Variants in PLCE1 observed in about 807,000 individuals in gnomAD.
PLCE1 encodes the protein phospholipase C epsilon 1.
PLCE1 carries 119 observed loss-of-function variants against 242.8 expected under a neutral mutation model. That is an observed-to-expected ratio of 0.49 (90% CI 0.42 to 0.57). PLCE1 has a LOEUF of 0.57. Ranked by LOEUF, PLCE1 falls within the 20% of genes least tolerant of loss-of-function variation. The pLI, the probability that PLCE1 is intolerant of heterozygous loss-of-function variation, is 0.00. For synonymous variants in PLCE1, 945 were observed against 1,017.4 expected, an observed-to-expected ratio of 0.93 and a Z score of 1.35; for missense variants, 2,441 against 2,788.8, an observed-to-expected ratio of 0.88 and a Z score of 2.81.
At chr10:94,166,159 A>G (rs892576836) in intron 3 of PLCE1, among the ~76,000 whole-genome samples, 1 of 152,190 alleles carries the variant, frequency 6.6e-6, no homozygotes, top group Admixed American at 6.5e-5. Flanking sequence ...TTTTACCTCA[A>G]TAGGATAATA....
chr10:94,202,567 T>A (rs1169567567), intron 4 of PLCE1, among the ~76,000 whole-genome samples: 2 of 152,188 alleles, frequency 1.3e-5, no homozygotes. Flanking sequence ...TTTCTTCTCC[T>A]TGAGCTCTGC....
chr10:94,049,790 C>T (rs2043712455), intron 2 of PLCE1, among the ~76,000 whole-genome samples: 1 of 152,092 alleles, frequency 6.6e-6, no homozygotes, highest in South Asian at 2.1e-4. Flanking sequence ...TCTCTCCCTC[C>T]CACAAAACAA....
intron 4 of PLCE1, among the ~76,000 whole-genome samples, chr10:94,218,887 A>C (rs1446152639): frequency 2.0e-5 from 2 of 97,780 alleles, no homozygotes; most frequent in Non-Finnish European, 4.1e-5. Flanking sequence ...TAAAATAATA[A>C]TTTTATATAT....
At chr10:94,082,394 A>G (rs2044677831) in intron 2 of PLCE1, among the ~76,000 whole-genome samples, 1 of 152,212 alleles carries the variant, frequency 6.6e-6, no homozygotes, top group Non-Finnish European at 1.5e-5. Context: ...CGAGATGAAA[A>G]TAGAATGGTT....
intron 2 of PLCE1, among the ~76,000 whole-genome samples, chr10:94,122,961 A>G (rs2046339970): frequency 6.6e-6 from 1 of 152,130 alleles, no homozygotes; most frequent in South Asian, 2.1e-4. Flanking sequence ...GTCTTCAATT[A>G]TTTCTCCACT....
chr10:94,142,080 T>C (rs1223010031), intron 3 of PLCE1, among the ~76,000 whole-genome samples: 2 of 152,140 alleles, frequency 1.3e-5, no homozygotes, highest in African/African-American at 2.4e-5. Context: ...GTGAGCCTCA[T>C]TGTGTTTTGG....
In PLCE1 at chr10:94,298,292, G is replaced by T. The variant is rs2052912298; in HGVS notation, c.5168-87G>T. 1 of 1,229,728 alleles carries T rather than the reference G, an allele frequency of 8.1e-7. No individual in the cohort carries two copies. Among genetic ancestry groups the T allele is most frequent in the Non-Finnish European group, 1.2e-6 (1 of 836,704 alleles). The allele number at this position is 1,229,728 out of a possible 1,614,324, so 76.2% of individuals were successfully genotyped here. ...CTGATGTGGTTTATATGCTATGACT[G>T]TTTACTGGGATGTTGTTCAGGTTTA... On this transcript the variant is annotated intron_variant, in intron 23 of 32. Coordinates refer to ENST00000371380, the MANE Select transcript of PLCE1 (RefSeq NM_016341.4). The surrounding 1 kb of genome is among the most constrained non-coding windows in gnomAD (Gnocchi z 5.2).
chr10:94,147,312 C>T (rs1414032624), intron 3 of PLCE1, among the ~76,000 whole-genome samples: 1 of 152,060 alleles, frequency 6.6e-6, no homozygotes, highest in Non-Finnish European at 1.5e-5. Context: ...ATCCCAGCTA[C>T]TCGGGAGGCT....
At chr10:94,195,358 G>T (rs2048787597) in intron 4 of PLCE1, among the ~76,000 whole-genome samples, 1 of 152,102 alleles carries the variant, frequency 6.6e-6, no homozygotes, top group South Asian at 2.1e-4. Context: ...CTAGGAGTTT[G>T]TGATTTGGGG....
intron 1 of PLCE1, among the ~76,000 whole-genome samples, chr10:94,000,334 TATC>T (rs142699112): frequency 0.02 from 3,057 of 152,312 alleles, 100 homozygotes; most frequent in African/African-American, 0.066. Flanking sequence ...CTCTACTACT[TATC>T]ATCTGCATGG....
chr10:94,214,712 G>A (rs570137197), intron 4 of PLCE1, among the ~76,000 whole-genome samples: 1 of 152,140 alleles, frequency 6.6e-6, no homozygotes, highest in South Asian at 2.1e-4. Context: ...ATTCTAATTG[G>A]TGAAAATTTG....
chr10:94,280,781 C>T (rs1483733683), intron 20 of PLCE1, among the ~76,000 whole-genome samples: 1 of 152,194 alleles, frequency 6.6e-6, no homozygotes, highest in Non-Finnish European at 1.5e-5. Flanking sequence ...TAAGTTGTCT[C>T]ATGCATTAAG....
chr10:94,035,117 C>T (rs2061638624), intron 2 of PLCE1, among the ~76,000 whole-genome samples: 1 of 152,186 alleles, frequency 6.6e-6, no homozygotes, highest in Non-Finnish European at 1.5e-5. Flanking sequence ...ACAGCATCTC[C>T]CTGCCATGAA....
rs1348562265 is a variant in PLCE1, at chr10:94,096,017, G to A, written c.1207-36157G>A. ...CTTCAGCTGTTATTGGGGGCTTCTT[G>A]TGATCTACATACATCCTTATTTGGG... On this transcript the variant is annotated intron_variant, in intron 2 of 32. Coordinates refer to ENST00000371380, the MANE Select transcript of PLCE1 (RefSeq NM_016341.4). 2.0e-5 allele frequency among the ~76,000 whole-genome samples: 3 copies of A among 152,248 alleles called. No homozygotes were observed. In the East Asian group the frequency reaches 5.8e-4, roughly 29 times the overall value.
chr10:94,235,689 G>C (rs1182559749), intron 6 of PLCE1: 1 of 977,374 alleles, frequency 1.0e-6, no homozygotes, highest in African/African-American at 1.8e-5. Flanking sequence ...TTGAAGTGGA[G>C]TGTCGATTCC....
In PLCE1 at chr10:94,192,147, C is replaced by A. The variant is rs149053282; in HGVS notation, c.1809+20651C>A. Among the ~76,000 whole-genome samples the A allele has an allele frequency of 5.1e-4, 78 of 152,262 alleles. 3 individuals are homozygous for A. In the East Asian group the frequency reaches 0.013, roughly 24 times the overall value. On this transcript the variant is annotated intron_variant, in intron 4 of 32. Transcript: ENST00000371380. The stretch of plus-strand genomic sequence containing the variant: ...TATCCGTCACCTCAAATGCTTATCA[C>A]TTTTATGGTGAGAACTTTTTAAAGT...
intron 2 of PLCE1, among the ~76,000 whole-genome samples, chr10:94,051,012 A>G (rs981032015): frequency 6.6e-6 from 1 of 152,110 alleles, no homozygotes; most frequent in African/African-American, 2.4e-5. Context: ...GTAAGAGCTG[A>G]GGCAGAGTAT....
chr10:94,199,367 T>C (rs965976696), intron 4 of PLCE1, among the ~76,000 whole-genome samples: 1 of 152,184 alleles, frequency 6.6e-6, no homozygotes, highest in African/African-American at 2.4e-5. Context: ...GTCAAAAATC[T>C]CAGTTTCTTC....
chr10:94,107,171 T>G (rs1260338030), intron 2 of PLCE1: 2 of 152,398 alleles, frequency 1.3e-5, no homozygotes, highest in Admixed American at 1.3e-4. Context: ...TTGTTAAAGA[T>G]GACCCCATTT....
Sources: allele counts gnomAD v4.1 joint callset (sites outside exome capture counted in the v4.1 genomes callset), GRCh38; gene constraint gnomAD v4.1.1; non-coding constraint Gnocchi (gnomAD v3.1); transcripts MANE v1.5; gene names NCBI Gene and HGNC (gene_info 2026-07-23, HGNC 2026-07-21).